The following CLMN variants were observed in gnomAD, a reference collection of about 807,000 sequenced individuals.
CLMN encodes calmin.
In CLMN, 57 loss-of-function variants were observed where a neutral mutation model predicts 92.7. The observed-to-expected ratio is 0.61, with a 90% CI of 0.50 to 0.77. The LOEUF (loss-of-function observed/expected upper bound fraction) is 0.77, where lower values mean the gene tolerates loss of function less well. Ranked by LOEUF, CLMN falls within the 30% of genes least tolerant of loss-of-function variation. The pLI, the probability that CLMN is intolerant of heterozygous loss-of-function variation, is 0.00. For synonymous variants in CLMN, 466 were observed against 470.6 expected, an observed-to-expected ratio of 0.99 and a Z score of 0.13; for missense variants, 1,158 against 1,237.5, an observed-to-expected ratio of 0.94 and a Z score of 0.96.
chr14:95,242,649 C>T (rs979250462), intron 1 of CLMN, among the ~76,000 whole-genome samples: 5 of 151,416 alleles, frequency 3.3e-5, no homozygotes, highest in East Asian at 3.9e-4. Flanking sequence ...ACTGCAACAA[C>T]ATCCACCTCC....
At chr14:95,286,397 G>A (rs1045810796) in intron 1 of CLMN, among the ~76,000 whole-genome samples, 4 of 152,210 alleles carry the variant, frequency 2.6e-5, no homozygotes, top group African/African-American at 9.7e-5. Flanking sequence ...CATATTATCT[G>A]CTTCCATTTA....
chr14:95,245,998 T>C (rs1898557381), intron 1 of CLMN, among the ~76,000 whole-genome samples: 1 of 152,198 alleles, frequency 6.6e-6, no homozygotes, highest in South Asian at 2.1e-4. Flanking sequence ...ATGCCCATTA[T>C]GATATTCCCT....
chr14:95,245,263 AT>A (rs1211639315), intron 1 of CLMN, among the ~76,000 whole-genome samples: 4 of 42,676 alleles, frequency 9.4e-5, no homozygotes, highest in African/African-American at 5.8e-4. Flanking sequence ...TAATATATAT[AT>A]ATATATTATA....
chr14:95,273,157 G>GA (rs549200515), intron 1 of CLMN, among the ~76,000 whole-genome samples: 227 of 152,328 alleles, frequency 1.5e-3, no homozygotes, highest in Middle Eastern at 6.8e-3. Context: ...AAGCAGCCCT[G>GA]CAAATTGTGA....
chr14:95,271,326 T>G (rs538608179), intron 1 of CLMN, among the ~76,000 whole-genome samples: 1 of 152,244 alleles, frequency 6.6e-6, no homozygotes, highest in African/African-American at 2.4e-5. Context: ...CTGATTCAAC[T>G]ATTCCTGATA....
At chr14:95,247,003 T>C (rs1270164278) in intron 1 of CLMN, among the ~76,000 whole-genome samples, 1 of 152,194 alleles carries the variant, frequency 6.6e-6, no homozygotes, top group Non-Finnish European at 1.5e-5. Flanking sequence ...CCAGAGTTGC[T>C]GTTCACAGTA....
At chr14:95,315,571 C>T (rs1486128192) in intron 1 of CLMN, among the ~76,000 whole-genome samples, 1 of 152,226 alleles carries the variant, frequency 6.6e-6, no homozygotes, top group Non-Finnish European at 1.5e-5. Context: ...GGGGCTGATC[C>T]TTCGGAAAAC....
intron 9 of CLMN, among the ~76,000 whole-genome samples, chr14:95,198,042 CT>C (rs1019598103): frequency 0.1 from 7,053 of 70,340 alleles, 93 homozygotes; most frequent in East Asian, 0.29. Flanking sequence ...TTTTTTCTTT[CT>C]TTTTTTTTTT....
Position 95,204,393 on chromosome 14 carries a change from GA to G in CLMN, c.955del (p.Ser319LeufsTer10). On this transcript the variant is annotated frameshift_variant, in exon 9 of 13. Transcript: ENST00000298912. LOFTEE classifies it high-confidence loss of function. Reference protein sequence around the residue: ...STFVRIKETPSEQESKVFVLT... With the variant: ...STFVRIKETPXEQESKVFVLT... ...AACGAAGACTTTGCTCTCCTGTTCA[GA>G]AGGAGTTTCTTTGATGCGAACAAAA... 1 of 1,613,682 alleles carries G rather than the reference GA, an allele frequency of 6.2e-7. No homozygotes were observed. Among genetic ancestry groups the G allele is most frequent in the East Asian group, 2.2e-5 (1 of 44,860 alleles).
At chr14:95,212,432 G>T (rs1052052074) in intron 6 of CLMN, among the ~76,000 whole-genome samples, 1 of 152,208 alleles carries the variant, frequency 6.6e-6, no homozygotes, top group Non-Finnish European at 1.5e-5. Flanking sequence ...TGGTAAAAAG[G>T]CCTGATACAA....
At chr14:95,206,976 AACAAAAATTTGTTATGTTAC>A (rs1017384318) in intron 8 of CLMN, among the ~76,000 whole-genome samples, 14 of 152,102 alleles carry the variant, frequency 9.2e-5, no homozygotes, top group African/African-American at 3.4e-4. Context: ...TGCTTAAAAC[AACAAAAATTTGTTATGTTAC>A]ACTTCTGGAC....
At chr14:95,318,431 C>T (rs1901889234) in intron 1 of CLMN, among the ~76,000 whole-genome samples, 1 of 152,196 alleles carries the variant, frequency 6.6e-6, no homozygotes, top group South Asian at 2.1e-4. Flanking sequence ...CTCCCCAGTC[C>T]TTTTGAGGTC....
At chr14:95,195,945 C>G (rs1175065401) in intron 10 of CLMN, among the ~76,000 whole-genome samples, 1 of 152,164 alleles carries the variant, frequency 6.6e-6, no homozygotes, top group Non-Finnish European at 1.5e-5. Flanking sequence ...AGTTAAATCT[C>G]ATTATCCTCC....
Position 95,191,482 on chromosome 14 carries a change from G to A in CLMN, c.*82C>T, listed in dbSNP as rs1896558786. The A allele has an allele frequency of 8.4e-7, 1 of 1,193,734 alleles. No individual in the cohort carries two copies. Among genetic ancestry groups the A allele is most frequent in the Non-Finnish European group, 1.2e-6 (1 of 867,064 alleles). 73.9% of individuals were successfully genotyped at this position (1,193,734 alleles called of 1,614,324 possible). ...GAGGTCCTCAACTGTCTGTAGAAGTGCCCCACCCAGAACCCAAAATAAAAT... is the reference window on the plus strand; with the variant it reads ...GAGGTCCTCAACTGTCTGTAGAAGTACCCCACCCAGAACCCAAAATAAAAT... On this transcript the variant is annotated 3_prime_UTR_variant, in exon 13 of 13. Coordinates refer to ENST00000298912, the MANE Select transcript of CLMN (RefSeq NM_024734.4). This position sits in a 1 kb window ranked among gnomAD's most constrained non-coding sequence, Gnocchi z 5.3.
rs2273390 is a variant in CLMN, at chr14:95,215,350, C to T, written c.417+291G>A. Among the ~76,000 whole-genome samples the T allele has an allele frequency of 1.2e-3, 187 of 152,294 alleles. 1 individual carries two copies. Among genetic ancestry groups the T allele is most frequent in the Admixed American group, 8.1e-3 (124 of 15,306 alleles). On this transcript the variant is annotated intron_variant, in intron 5 of 12. Transcript: ENST00000298912. ...TCCAGTTTTGGTCAGGAGTATTCCC[C>T]GGTTCTTGTGACACTTTAGAACAAA...
chr14:95,244,948 C>T (rs992410979), intron 1 of CLMN, among the ~76,000 whole-genome samples: 11 of 148,668 alleles, frequency 7.4e-5, no homozygotes, highest in African/African-American at 2.7e-4. Context: ...CATCCTTGAA[C>T]TTGAAGTCCA....
intron 1 of CLMN, among the ~76,000 whole-genome samples, chr14:95,264,792 GC>G (rs555987463): frequency 4.8e-4 from 73 of 152,144 alleles, no homozygotes; most frequent in Middle Eastern, 3.4e-3. Flanking sequence ...CACTTTGAAG[GC>G]TGGGCGCAGT....
At chr14:95,221,839 G>A (rs1223774312) in intron 3 of CLMN, 65 bp from the exon 4 acceptor site, 54 of 1,387,048 alleles carry the variant, frequency 3.9e-5, no homozygotes, top group Non-Finnish European at 4.7e-5. Context: ...AACACCCAGC[G>A]GTGCTGCTGG....
intron 1 of CLMN, among the ~76,000 whole-genome samples, chr14:95,282,550 T>C (rs1410900749): frequency 6.6e-6 from 1 of 151,940 alleles, no homozygotes; most frequent in Non-Finnish European, 1.5e-5. Flanking sequence ...GAGAACTGAG[T>C]GGCCAGAAAG....
Sources: allele counts gnomAD v4.1 joint callset (sites outside exome capture counted in the v4.1 genomes callset), GRCh38; gene constraint gnomAD v4.1.1; non-coding constraint Gnocchi (gnomAD v3.1); transcripts MANE v1.5; gene names NCBI Gene and HGNC (gene_info 2026-07-23, HGNC 2026-07-21).